PSD3: variants seen among roughly 807,000 people sequenced by gnomAD.
PSD3 encodes PH and SEC7 domain-containing protein 3.
In PSD3, 49 loss-of-function variants were observed where a neutral mutation model predicts 105.5. The ratio of observed to expected loss-of-function variants is 0.46; its 90% CI spans 0.37 to 0.59. PSD3 has a LOEUF of 0.59. Among genes scored for constraint, PSD3 ranks in the 20% least tolerant of loss-of-function variants. The pLI is 0.00. For missense variants in PSD3, 1,561 were observed against 1,263.8 expected, an observed-to-expected ratio of 1.24 and a Z score of -3.57; for synonymous variants, 557 against 457.8, an observed-to-expected ratio of 1.22 and a Z score of -2.77.
At chr8:18,615,527 G>C (rs1363326004) in intron 11 of PSD3, among the ~76,000 whole-genome samples, 4 of 152,318 alleles carry the variant, frequency 2.6e-5, no homozygotes, top group East Asian at 3.9e-4. Flanking sequence ...TTTTATATTT[G>C]AGTGATATTT....
At chr8:18,581,109 A>G (rs1474687534) in intron 12 of PSD3, among the ~76,000 whole-genome samples, 1 of 152,198 alleles carries the variant, frequency 6.6e-6, no homozygotes, top group Non-Finnish European at 1.5e-5. Context: ...GCACTTGGCT[A>G]GCGGATGACT....
At chr8:18,704,539 C>T (rs571394120) in intron 9 of PSD3, among the ~76,000 whole-genome samples, 47 of 152,192 alleles carry the variant, frequency 3.1e-4, no homozygotes, top group African/African-American at 9.6e-4. Context: ...GGTTTCCCCA[C>T]GCTGGCCAGG....
intron 9 of PSD3, chr8:18,732,934 T>A (rs1803875254): frequency 6.6e-6 from 1 of 152,114 alleles, no homozygotes; most frequent in African/African-American, 2.4e-5. Flanking sequence ...GTACCTTGCC[T>A]ACACACGCCC....
At chr8:18,821,717 A>ACACACACACACACCCC (rs1554513425) in intron 4 of PSD3, among the ~76,000 whole-genome samples, 1 of 141,228 alleles carries the variant, frequency 7.1e-6, no homozygotes, top group Non-Finnish European at 1.5e-5. Flanking sequence ...ACACACACAC[A>ACACACACACACACCCC]CCCCAATAAC....
Position 18,558,005 on chromosome 8 carries a change from G to T in PSD3, c.2785-1653C>A, listed in dbSNP as rs562313472. On this transcript the variant is annotated intron_variant, in intron 14 of 15. Coordinates refer to ENST00000327040, the MANE Select transcript of PSD3 (RefSeq NM_015310.4). ...AATAGGATTAGTGCCCTTATAAGAG[G>T]AGACACTGTGTGCAAGCACCAATGG... 9.2e-5 allele frequency among the ~76,000 whole-genome samples: 14 copies of T among 152,324 alleles called. No individual in the cohort carries two copies. The South Asian group carries it at 2.3e-3, about 25-fold the overall frequency.
intron 1 of PSD3, among the ~76,000 whole-genome samples, chr8:18,941,362 T>C (rs1391227195): frequency 1.3e-5 from 2 of 152,168 alleles, no homozygotes; most frequent in African/African-American, 2.4e-5. Context: ...CTCTCAGCTC[T>C]CCTTGAATTC....
At chr8:18,866,636 T>C (rs1195874637) in intron 4 of PSD3, among the ~76,000 whole-genome samples, 1 of 152,178 alleles carries the variant, frequency 6.6e-6, no homozygotes, top group East Asian at 1.9e-4. Flanking sequence ...AGAAAATGCA[T>C]AGCTACAATG....
chr8:18,886,552 AATAGAT>A (rs1280140216), intron 2 of PSD3, among the ~76,000 whole-genome samples: 4 of 152,198 alleles, frequency 2.6e-5, no homozygotes, highest in African/African-American at 9.7e-5. Flanking sequence ...ATTTAAAAGA[AATAGAT>A]ATATAAAAAT....
intron 2 of PSD3, among the ~76,000 whole-genome samples, chr8:18,890,103 A>C (rs1818690661): frequency 6.6e-6 from 1 of 152,148 alleles, no homozygotes; most frequent in Non-Finnish European, 1.5e-5. Context: ...TTATCATAAC[A>C]TCCTCTGTTT....
intron 8 of PSD3, among the ~76,000 whole-genome samples, chr8:18,780,100 C>T (rs902895199): frequency 6.6e-6 from 1 of 152,192 alleles, no homozygotes; most frequent in Non-Finnish European, 1.5e-5. Context: ...TATCTGCATG[C>T]TCCAGTGTTG....
At chr8:18,960,566 G>A (rs1823851938) in intron 1 of PSD3, among the ~76,000 whole-genome samples, 1 of 152,194 alleles carries the variant, frequency 6.6e-6, no homozygotes, top group Non-Finnish European at 1.5e-5. Context: ...TAGATCACCA[G>A]CTGACAGTAA....
At chr8:18,864,913 G>GT (rs1354230698) in intron 4 of PSD3, 1 of 151,782 alleles carries the variant, frequency 6.6e-6, no homozygotes, top group African/African-American at 2.4e-5. Context: ...GGAAACGTGT[G>GT]TATTATTGAC....
intron 8 of PSD3, among the ~76,000 whole-genome samples, chr8:18,767,038 T>C (rs1255467071): frequency 6.6e-6 from 1 of 152,132 alleles, no homozygotes; most frequent in Non-Finnish European, 1.5e-5. Flanking sequence ...AGAAATAATC[T>C]TGAAAAGACA....
chr8:18,993,532 T>C (rs571138211), intron 1 of PSD3, among the ~76,000 whole-genome samples: 36 of 152,198 alleles, frequency 2.4e-4, no homozygotes, highest in African/African-American at 8.2e-4. Context: ...GTTTGGCAGA[T>C]AGTAACCTCT....
chr8:18,940,692 C>T (rs573330995), intron 1 of PSD3, among the ~76,000 whole-genome samples: 4 of 152,306 alleles, frequency 2.6e-5, no homozygotes, highest in African/African-American at 9.6e-5. Flanking sequence ...TCTACTGTTT[C>T]TTGAGTAATG....
At chr8:18,838,829 T>C (rs1055796024) in intron 4 of PSD3, among the ~76,000 whole-genome samples, 1 of 146,942 alleles carries the variant, frequency 6.8e-6, no homozygotes, top group Non-Finnish European at 1.5e-5. Flanking sequence ...ATAATAATAA[T>C]AATAATAATA....
chr8:18,691,678 C>G (rs1273725579), intron 9 of PSD3, among the ~76,000 whole-genome samples: 1 of 152,116 alleles, frequency 6.6e-6, no homozygotes, highest in Non-Finnish European at 1.5e-5. Context: ...GTTTCAAAAG[C>G]TAATCCAATA....
In PSD3 at chr8:18,632,707, G is replaced by A. The variant is rs780411144; in HGVS notation, c.2316C>T (p.Asn772=). The change falls in exon 11 of 16, where the codon AAC becomes AAT. Residue 772 remains asparagine, a synonymous_variant. Coordinates refer to ENST00000327040, the MANE Select transcript of PSD3 (RefSeq NM_015310.4). The part of the protein sequence containing the change: ...KTISRIGSTT[N]PFLDIPHDPN... The stretch of plus-strand genomic sequence containing the variant: ...GATCATGAGGAATGTCCAAAAATGG[G>A]TTAGTAGTACTTCCAATACGACTGA... The A allele has an allele frequency of 6.2e-7, 1 of 1,612,030 alleles. No individual in the cohort carries two copies. Among genetic ancestry groups the A allele is most frequent in the African/African-American group, 1.3e-5 (1 of 74,932 alleles).
intron 1 of PSD3, among the ~76,000 whole-genome samples, chr8:19,069,124 G>T (rs577143203): frequency 2.6e-5 from 4 of 152,318 alleles, no homozygotes; most frequent in Admixed American, 2.6e-4. Context: ...ACCCAGTGCG[G>T]TAATTATTTA....
Sources: allele counts gnomAD v4.1 joint callset (sites outside exome capture counted in the v4.1 genomes callset), GRCh38; gene constraint gnomAD v4.1.1; transcripts MANE v1.5; gene names NCBI Gene and HGNC (gene_info 2026-07-23, HGNC 2026-07-21).